Variants in RIMKLB observed in about 807,000 individuals in gnomAD.
RIMKLB encodes the protein beta-citrylglutamate synthase B.
A neutral mutation model predicts 32.0 loss-of-function variants in RIMKLB; 7 were observed. The observed-to-expected ratio is 0.22, with a 90% CI of 0.12 to 0.41. RIMKLB has a LOEUF of 0.41. Among genes scored for constraint, RIMKLB ranks in the 10% least tolerant of loss-of-function variants. The probability of loss-of-function intolerance (pLI) is 1.00; values close to 1 mark genes in which losing one functional copy is unlikely to be tolerated. For missense variants in RIMKLB, 289 were observed against 498.7 expected (o/e 0.58, Z 4.00); for synonymous variants, 172 against 185.1 (o/e 0.93, Z 0.57).
At chr12:8,718,945 A>T (rs1319032043) in intron 2 of RIMKLB, among the ~76,000 whole-genome samples, 1 of 152,122 alleles carries the variant, frequency 6.6e-6, no homozygotes, top group African/African-American at 2.4e-5. Context: ...CTTTGGGCAA[A>T]TGCATAATTA....
the RIMKLB span, among the ~76,000 whole-genome samples, chr12:8,673,237 C>A: frequency 6.6e-6 from 1 of 151,980 alleles, no homozygotes; most frequent in East Asian, 1.9e-4. Context: ...AGTGACAGAG[C>A]TATGCTGAGA....
At chr12:8,744,956 A>G (rs111983274) in intron 2 of RIMKLB, among the ~76,000 whole-genome samples, 6 of 151,970 alleles carry the variant, frequency 3.9e-5, no homozygotes, top group Admixed American at 2.0e-4. Context: ...TCAACTGGTC[A>G]TTTACATTAG....
At chr12:8,744,498 T>G (rs1947891202) in intron 2 of RIMKLB, among the ~76,000 whole-genome samples, 1 of 151,912 alleles carries the variant, frequency 6.6e-6, no homozygotes, top group Non-Finnish European at 1.5e-5. Flanking sequence ...GTTGAATTTT[T>G]TCTTGACAAT....
intron 1 of RIMKLB, among the ~76,000 whole-genome samples, chr12:8,686,514 C>T (rs112553478): frequency 1.3e-5 from 2 of 150,508 alleles, no homozygotes; most frequent in African/African-American, 4.9e-5. Context: ...GAGTCTCGCT[C>T]TGTTGCCCAG....
At chr12:8,764,198 G>T (rs1248291967) in intron 5 of RIMKLB, among the ~76,000 whole-genome samples, 9 of 152,100 alleles carry the variant, frequency 5.9e-5, no homozygotes, top group Admixed American at 5.9e-4. Context: ...GGGTCTAAGG[G>T]GGTACTTCCT....
chr12:8,747,481 A>T (rs1484546298), intron 2 of RIMKLB, among the ~76,000 whole-genome samples: 1 of 152,098 alleles, frequency 6.6e-6, no homozygotes, highest in Non-Finnish European at 1.5e-5. Flanking sequence ...CATCAGAACT[A>T]TTACCATGTT....
At chr12:8,698,728 C>G (rs76504789) in intron 1 of RIMKLB, among the ~76,000 whole-genome samples, 1 of 131,160 alleles carries the variant, frequency 7.6e-6, no homozygotes, top group African/African-American at 2.9e-5. Flanking sequence ...CCCACAAATT[C>G]TATGGAGCGA....
At position 8,709,441 on chromosome 12, in the gene RIMKLB, A is replaced by C. The variant is rs144337139; in HGVS notation, c.-56-4370A>C. Among the ~76,000 whole-genome samples, 1,477 of 152,360 alleles carry C rather than the reference A, an allele frequency of 9.7e-3. 13 individuals are homozygous for C. The highest frequency in any genetic ancestry group is 0.014 in the Non-Finnish European group (986 of 68,026). On this transcript the variant is annotated intron_variant, in intron 1 of 5. Transcript: ENST00000535829. Reference sequence around the variant, plus strand: ...GGAAACAGCTGTGCCCAAGGCTAGGAGAGAACCATTGAGGGGCAGAAGCAG... The same window carrying C: ...GGAAACAGCTGTGCCCAAGGCTAGGCGAGAACCATTGAGGGGCAGAAGCAG...
intron 2 of RIMKLB, chr12:8,742,390 G>C: frequency 4.0e-6 from 1 of 251,962 alleles, no homozygotes; most frequent in Non-Finnish European, 7.7e-6. Context: ...AGGGGTCCAT[G>C]TGGCCTTCTC....
chr12:8,748,982 G>A (rs116364453), intron 2 of RIMKLB, among the ~76,000 whole-genome samples: 3,620 of 152,034 alleles, frequency 0.024, 134 homozygotes, highest in African/African-American at 0.082. Flanking sequence ...TGTATTATTT[G>A]GGGTCTTCCT....
chr12:8,682,803 T>TAAATTA, intron 1 of RIMKLB, among the ~76,000 whole-genome samples: 1 of 132,430 alleles, frequency 7.6e-6, no homozygotes, highest in Non-Finnish European at 1.6e-5. Context: ...ATAAATAAAT[T>TAAATTA]AAAAAAAAAA....
chr12:8,720,844 C>T (rs758777083), intron 2 of RIMKLB, among the ~76,000 whole-genome samples: 7 of 152,088 alleles, frequency 4.6e-5, no homozygotes, highest in South Asian at 4.2e-4. Flanking sequence ...CTGGCCTACC[C>T]GTTTTAAATA....
intron 2 of RIMKLB, among the ~76,000 whole-genome samples, chr12:8,743,273 G>T (rs1200825009): frequency 6.7e-6 from 1 of 148,498 alleles, no homozygotes; most frequent in Non-Finnish European, 1.5e-5. Flanking sequence ...AGAATTGTTT[G>T]CACCTGGAAG....
chr12:8,718,005 C>G (rs1348590004), intron 2 of RIMKLB, among the ~76,000 whole-genome samples: 1 of 152,160 alleles, frequency 6.6e-6, no homozygotes, highest in Admixed American at 6.5e-5. Flanking sequence ...CCTTGTTCAT[C>G]TCTTTTACTG....
chr12:8,720,984 A>G (rs745988526), intron 2 of RIMKLB, among the ~76,000 whole-genome samples: 1 of 152,372 alleles, frequency 6.6e-6, no homozygotes, highest in African/African-American at 2.4e-5. Flanking sequence ...TTTTTAAAAG[A>G]CTATTTAAAA....
At chr12:8,670,748 C>T in the RIMKLB span, among the ~76,000 whole-genome samples, 8 of 152,244 alleles carry the variant, frequency 5.3e-5, no homozygotes, top group African/African-American at 1.9e-4. Flanking sequence ...TGTGTGGGGG[C>T]TCCAACCACA....
At chr12:8,739,118 A>G (rs1445501910) in intron 2 of RIMKLB, among the ~76,000 whole-genome samples, 2 of 152,210 alleles carry the variant, frequency 1.3e-5, no homozygotes, top group Non-Finnish European at 2.9e-5. Flanking sequence ...TGCTATAACA[A>G]ATTACCATAG....
At chr12:8,702,361 G>T (rs1410044945) in intron 1 of RIMKLB, among the ~76,000 whole-genome samples, 2 of 152,166 alleles carry the variant, frequency 1.3e-5, no homozygotes, top group Admixed American at 1.3e-4. Context: ...ACAAAAATCT[G>T]TTTAAACATT....
chr12:8,738,811 C>T lies in RIMKLB; in HGVS notation c.176-11051C>T, dbSNP rs144558708. ...TCATTTATATAGATGGAAGATGTTACAAAAAGTGACTGGCATGTTACTTCT... is the reference window on the plus strand; with the variant it reads ...TCATTTATATAGATGGAAGATGTTATAAAAAGTGACTGGCATGTTACTTCT... On this transcript the variant is annotated intron_variant, in intron 2 of 5. Transcript: ENST00000535829. Among the ~76,000 whole-genome samples the T allele has an allele frequency of 4.4e-4, 67 of 152,268 alleles. 2 individuals carry two copies. Among genetic ancestry groups the T allele is most frequent in the African/African-American group, 1.5e-3 (64 of 41,560 alleles).
Sources: gnomAD v4.1 joint callset for allele counts (sites outside exome capture counted in the v4.1 genomes callset) on GRCh38, gnomAD v4.1.1 for gene constraint, MANE v1.5 for transcripts, NCBI Gene and HGNC (gene_info 2026-07-23, HGNC 2026-07-21) for gene names.